The following KCNIP1 variants were observed in gnomAD, a reference collection of about 807,000 sequenced individuals.
KCNIP1 encodes potassium voltage-gated channel interacting protein 1, also known as A-type potassium channel modulatory protein KCNIP1.
A neutral mutation model predicts 33.0 loss-of-function variants in KCNIP1; 18 were observed. That is an observed-to-expected ratio of 0.55 (90% CI 0.38 to 0.81). The LOEUF (loss-of-function observed/expected upper bound fraction) is 0.81. KCNIP1 is among the 30% of genes least tolerant of loss of function. KCNIP1 has a pLI of 0.00. For synonymous variants in KCNIP1, 93 were observed against 98.3 expected (o/e 0.95, Z 0.32); for missense variants, 238 against 271.6 (o/e 0.88, Z 0.87).
chr5:170,438,087 C>A (rs1000366985), intron 1 of KCNIP1, among the ~76,000 whole-genome samples: 2 of 151,944 alleles, frequency 1.3e-5, no homozygotes, highest in Non-Finnish European at 2.9e-5. Flanking sequence ...CTGGCTTTAT[C>A]GAGAGGCTCT....
Position 170,504,688 on chromosome 5 carries a change from C to T in KCNIP1, c.61+55C>T, listed in dbSNP as rs948885190. The T allele has an allele frequency of 1.7e-4, 255 of 1,491,062 alleles. 1 individual carries two copies. The highest frequency in any genetic ancestry group is 8.6e-4 in the Middle Eastern group (5 of 5,832). 92.4% of individuals were successfully genotyped at this position (1,491,062 alleles called of 1,614,324 possible). A position where few individuals can be genotyped will look rare whatever the true frequency, so the allele number is the denominator to read the frequency against. On this transcript the variant is annotated intron_variant, in intron 1 of 7. Coordinates refer to ENST00000328939, the MANE Select transcript of KCNIP1 (RefSeq NM_014592.4). The surrounding 1 kb of genome is among the most constrained non-coding windows in gnomAD (Gnocchi z 6.0). ...GTCTGGGCTTGGGGGTGCTAGGCGC[C>T]GAGGTGGGCTGTGCCACCTGCCTCC...
rs532256141 is a variant in KCNIP1, at chr5:170,526,866, G to A, written c.61+22233G>A. Among the ~76,000 whole-genome samples, 138 of 152,140 alleles carry A rather than the reference G, an allele frequency of 9.1e-4. 1 individual carries two copies. Among genetic ancestry groups the A allele is most frequent in the African/African-American group, 3.0e-3 (123 of 41,496 alleles). ...GCCTCCCAAGTAGCTGGGATTACAG[G>A]TGCCTGCCACCACACCCGGCTAATT... On this transcript the variant is annotated intron_variant, in intron 1 of 7. Transcript: ENST00000328939.
At chr5:170,696,916 G>A (rs1157644379) in intron 1 of KCNIP1, among the ~76,000 whole-genome samples, 1 of 152,098 alleles carries the variant, frequency 6.6e-6, no homozygotes, top group African/African-American at 2.4e-5. Context: ...ACAGTCAGAT[G>A]TACTTCCCTA....
intron 1 of KCNIP1, among the ~76,000 whole-genome samples, chr5:170,355,240 G>C (rs1010098873): frequency 1.4e-4 from 22 of 152,212 alleles, no homozygotes; most frequent in African/African-American, 5.3e-4. Flanking sequence ...CAGGCTGCCT[G>C]GCAGAATTCC....
intron 1 of KCNIP1, among the ~76,000 whole-genome samples, chr5:170,624,717 A>C: frequency 2.0e-5 from 1 of 49,636 alleles, no homozygotes; most frequent in African/African-American, 9.0e-5. Flanking sequence ...AGGAGAGGAA[A>C]GGAGACCGGG....
At chr5:170,533,356 ATTG>A (rs1755852519) in intron 1 of KCNIP1, among the ~76,000 whole-genome samples, 1 of 152,184 alleles carries the variant, frequency 6.6e-6, no homozygotes, top group Non-Finnish European at 1.5e-5. Context: ...GATTCGCGGC[ATTG>A]TTGTTGCGCT....
chr5:170,592,361 T>C (rs1429950037), intron 1 of KCNIP1, among the ~76,000 whole-genome samples: 2 of 140,602 alleles, frequency 1.4e-5, no homozygotes, highest in Non-Finnish European at 2.9e-5. Flanking sequence ...GATATTAGTA[T>C]GTTCGTGTTA....
intron 1 of KCNIP1, among the ~76,000 whole-genome samples, chr5:170,705,648 A>G (rs1312983697): frequency 6.6e-6 from 1 of 152,220 alleles, no homozygotes. Flanking sequence ...TACCTTTAAC[A>G]TAAAACGATC....
At chr5:170,381,747 C>T (rs1764249374) in intron 1 of KCNIP1, among the ~76,000 whole-genome samples, 1 of 152,222 alleles carries the variant, frequency 6.6e-6, no homozygotes, top group Admixed American at 6.5e-5. Flanking sequence ...ACCAGGGAGG[C>T]AGCCTGAAAA....
intron 1 of KCNIP1, among the ~76,000 whole-genome samples, chr5:170,540,895 T>C (rs1343767574): frequency 1.3e-5 from 2 of 152,220 alleles, no homozygotes; most frequent in Admixed American, 1.3e-4. Context: ...AGGTGGAGGC[T>C]AACAGATCTA....
At chr5:170,683,948 G>A (rs1384029819) in intron 1 of KCNIP1, among the ~76,000 whole-genome samples, 2 of 146,948 alleles carry the variant, frequency 1.4e-5, no homozygotes, top group Non-Finnish European at 3.0e-5. Context: ...GTAGAGACAG[G>A]GTTTCACCAT....
At chr5:170,428,917 C>T (rs1450820722) in intron 1 of KCNIP1, among the ~76,000 whole-genome samples, 1 of 152,046 alleles carries the variant, frequency 6.6e-6, no homozygotes, top group Non-Finnish European at 1.5e-5. Flanking sequence ...GCTTGTACTC[C>T]TCTGCTGAGG....
chr5:170,510,225 C>A (rs1754881311), intron 1 of KCNIP1, among the ~76,000 whole-genome samples: 1 of 152,228 alleles, frequency 6.6e-6, no homozygotes, highest in Admixed American at 6.5e-5. Flanking sequence ...CTTCCCTTAA[C>A]TACAATTCTG....
At chr5:170,729,172 A>G (rs568015893) in intron 5 of KCNIP1, among the ~76,000 whole-genome samples, 432 of 152,216 alleles carry the variant, frequency 2.8e-3, no homozygotes, top group African/African-American at 1.0e-2. Flanking sequence ...ACTAAAAATC[A>G]TATGTGAATA....
At chr5:170,672,652 G>A (rs975482511) in intron 1 of KCNIP1, among the ~76,000 whole-genome samples, 2 of 152,198 alleles carry the variant, frequency 1.3e-5, no homozygotes, top group African/African-American at 4.8e-5. Context: ...ATTTAGCCTC[G>A]GCTTCTTAGA....
chr5:170,459,218 G>T (rs971486817), intron 1 of KCNIP1, among the ~76,000 whole-genome samples: 8 of 152,110 alleles, frequency 5.3e-5, no homozygotes, highest in African/African-American at 1.9e-4. Context: ...CCTAAGAAAT[G>T]AGATAGACGG....
At chr5:170,488,942 C>T (rs1757150632) in intron 1 of KCNIP1, among the ~76,000 whole-genome samples, 1 of 152,176 alleles carries the variant, frequency 6.6e-6, no homozygotes, top group Non-Finnish European at 1.5e-5. Context: ...TGAGCCGGGG[C>T]CTGACTACAG....
intron 1 of KCNIP1, among the ~76,000 whole-genome samples, chr5:170,449,379 C>A (rs892194507): frequency 6.6e-6 from 1 of 151,934 alleles, no homozygotes; most frequent in Admixed American, 6.6e-5. Flanking sequence ...ATTCCCTGAG[C>A]TCCACACACC....
At chr5:170,385,217 G>T (rs1415997828) in intron 1 of KCNIP1, 1 of 1,330,814 alleles carries the variant, frequency 7.5e-7, no homozygotes, top group East Asian at 2.3e-5. Context: ...CTTGAATGAG[G>T]GTCAAGGAGA....
Sources: gnomAD v4.1 joint callset for allele counts (sites outside exome capture counted in the v4.1 genomes callset) on GRCh38, gnomAD v4.1.1 for gene constraint, Gnocchi (gnomAD v3.1) non-coding constraint, MANE v1.5 for transcripts, NCBI Gene and HGNC (gene_info 2026-07-23, HGNC 2026-07-21) for gene names.